The following SEL1L3 variants were observed in gnomAD, a reference collection of about 807,000 sequenced individuals.
The protein encoded by SEL1L3 is SEL1L family member 3.
SEL1L3 carries 76 observed loss-of-function variants against 142.8 expected under a neutral mutation model. The ratio of observed to expected loss-of-function variants is 0.53; its 90% CI spans 0.44 to 0.64. The LOEUF is 0.64. Ranked by LOEUF, SEL1L3 falls within the 30% of genes least tolerant of loss-of-function variation. The probability of loss-of-function intolerance (pLI) is 0.00; values close to 1 mark genes in which losing one functional copy is unlikely to be tolerated. For missense variants in SEL1L3, 1,262 were observed against 1,381.7 expected, an observed-to-expected ratio of 0.91 and a Z score of 1.37; for synonymous variants, 504 against 519.6, an observed-to-expected ratio of 0.97 and a Z score of 0.41.
At chr4:25,784,171 AGAGCGT>A in intron 14 of SEL1L3, 51 bp downstream of exon 14, 1 of 1,367,698 alleles carries the variant, frequency 7.3e-7, no homozygotes, top group South Asian at 1.2e-5. Context: ...TAGACGTGCG[AGAGCGT>A]GTGGGAGTGT....
chr4:25,811,474 T>G (rs1253642116), intron 9 of SEL1L3, among the ~76,000 whole-genome samples: 2 of 151,312 alleles, frequency 1.3e-5, no homozygotes, highest in Non-Finnish European at 2.9e-5. Flanking sequence ...CATAGAACTC[T>G]TAGCAGTCTG....
intron 5 of SEL1L3, among the ~76,000 whole-genome samples, chr4:25,830,551 T>C (rs1383646417): frequency 6.6e-6 from 1 of 152,166 alleles, no homozygotes; most frequent in African/African-American, 2.4e-5. Context: ...ACAAGATTGG[T>C]GTTGTATGTT....
In SEL1L3 at chr4:25,800,661, C is replaced by CT. The variant is rs148328853; in HGVS notation, c.1956+1621dup. Among the ~76,000 whole-genome samples the CT allele has an allele frequency of 4.0e-5, 6 of 151,844 alleles. No homozygotes were observed. The East Asian group carries it at 5.8e-4, about 15-fold the overall frequency. ...TTGTGCAAATTTTTTTAGAACAATTCTTTTTTTAAAAAAAACTTTACCAAT... is the reference window on the plus strand; with the variant it reads ...TTGTGCAAATTTTTTTAGAACAATTCTTTTTTTTAAAAAAAACTTTACCAAT... On this transcript the variant is annotated intron_variant, in intron 11 of 23. Transcript: ENST00000399878.
chr4:25,750,557 T>TACC (rs1454722159), intron 23 of SEL1L3, among the ~76,000 whole-genome samples: 3 of 152,232 alleles, frequency 2.0e-5, no homozygotes, highest in African/African-American at 7.2e-5. Flanking sequence ...CATGCCTACT[T>TACC]CATCTGGGCC....
intron 1 of SEL1L3, among the ~76,000 whole-genome samples, chr4:25,854,763 A>T (rs1028608444): frequency 3.3e-5 from 5 of 152,200 alleles, no homozygotes; most frequent in Non-Finnish European, 7.3e-5. Context: ...GAGAGTGTTG[A>T]CATTTTGCTA....
At chr4:25,846,996 G>A (rs1716557481) in intron 2 of SEL1L3, among the ~76,000 whole-genome samples, 1 of 151,526 alleles carries the variant, frequency 6.6e-6, no homozygotes, top group African/African-American at 2.4e-5. Flanking sequence ...CCTTGTTTCG[G>A]TGGCATGAAT....
intron 16 of SEL1L3, 117 bp from the exon 17 acceptor site, chr4:25,776,477 A>T: frequency 2.9e-6 from 2 of 700,132 alleles, no homozygotes; most frequent in Non-Finnish European, 4.9e-6. Context: ...TAGAATTTTT[A>T]TAGAGCAACA....
At chr4:25,759,206 T>G (rs2276953) in intron 20 of SEL1L3, 138 bp from the exon 21 acceptor site, 2 of 837,240 alleles carry the variant, frequency 2.4e-6, no homozygotes, top group East Asian at 2.5e-5. Flanking sequence ...GTCATCTTCA[T>G]TGATGAATTG....
chr4:25,744,929 G>A (rs1037866525), downstream of SEL1L3, among the ~76,000 whole-genome samples: 1 of 152,222 alleles, frequency 6.6e-6, no homozygotes, highest in Admixed American at 6.5e-5. Flanking sequence ...CTCCAAAAGT[G>A]TGAGAAAATA....
chr4:25,767,924 A>G (rs192337229), intron 17 of SEL1L3, 94 bp from the exon 18 acceptor site: 1 of 781,916 alleles, frequency 1.3e-6, no homozygotes, highest in Non-Finnish European at 2.0e-6. Flanking sequence ...GCACAAAATA[A>G]GCAGTTTTTT....
At chr4:25,841,558 C>A (rs1450804117) in intron 2 of SEL1L3, among the ~76,000 whole-genome samples, 1 of 152,234 alleles carries the variant, frequency 6.6e-6, no homozygotes, top group Non-Finnish European at 1.5e-5. Flanking sequence ...CAGGTTCAAA[C>A]TCCAGCATCT....
intron 2 of SEL1L3, among the ~76,000 whole-genome samples, chr4:25,843,846 G>A (rs1439467473): frequency 2.0e-5 from 3 of 152,278 alleles, no homozygotes; most frequent in Non-Finnish European, 2.9e-5. Context: ...GCCTGGCAAA[G>A]GAGATAAGCT....
Position 25,788,259 on chromosome 4 carries a change from C to T in SEL1L3, c.2182G>A (p.Ala728Thr). 1.2e-6 allele frequency: 2 copies of T among 1,613,942 alleles called. No individual in the cohort carries two copies. Among genetic ancestry groups the T allele is most frequent in the South Asian group, 2.2e-5 (2 of 91,082 alleles). Residue 728 changes from alanine (A) to threonine (T), a missense_variant, in exon 13 of 24, where the codon GCG becomes ACG. By Grantham distance (58) the Ala-to-Thr change is moderately conservative. Transcript: ENST00000399878. This position sits in a 1 kb window ranked among gnomAD's most constrained non-coding sequence, Gnocchi z 5.3. ...AKGALETEDP[A>T]LIYDYAIVLF... ...ACAATGGCATAGTCATAGATTAACG[C>T]AGGATCCTCCGTCTCCAGGGCGCCC...
At chr4:25,718,642 G>A in the SEL1L3 span, 3 of 152,082 alleles carry the variant, frequency 2.0e-5, no homozygotes, top group Non-Finnish European at 2.9e-5. Flanking sequence ...TTCCTCATAG[G>A]GACAAGATGA....
the SEL1L3 span, among the ~76,000 whole-genome samples, chr4:25,733,773 C>T: frequency 6.6e-6 from 1 of 152,054 alleles, no homozygotes; most frequent in Admixed American, 6.6e-5. Context: ...CTCCGGCCTC[C>T]CAAAGTTCTG....
In SEL1L3 at chr4:25,767,627, GAA is replaced by G; in HGVS notation, c.2761-20_2761-19del. 12 of 1,556,526 alleles carry G rather than the reference GAA, an allele frequency of 7.7e-6. No individual in the cohort carries two copies. The highest frequency in any genetic ancestry group is 1.4e-5 in the African/African-American group (1 of 73,714). On this transcript the variant is annotated intron_variant, in intron 18 of 23. Transcript: ENST00000399878. ...GCCAGGTCCTAAGGGGTAAAGGGAAGAAAAAGTTAATTCATTAATATTTCGGC... is the reference window on the plus strand; with the variant it reads ...GCCAGGTCCTAAGGGGTAAAGGGAAGAAAGTTAATTCATTAATATTTCGGC...
intron 2 of SEL1L3, among the ~76,000 whole-genome samples, chr4:25,841,180 A>G (rs1716144433): frequency 6.6e-6 from 1 of 152,100 alleles, no homozygotes; most frequent in Admixed American, 6.5e-5. Context: ...CCACAGATGC[A>G]TGCCACCATG....
chr4:25,843,569 T>A (rs1716308461), intron 2 of SEL1L3, among the ~76,000 whole-genome samples: 1 of 152,180 alleles, frequency 6.6e-6, no homozygotes. Context: ...CACATGTGAT[T>A]TGGGAGGGAC....
intron 9 of SEL1L3, among the ~76,000 whole-genome samples, chr4:25,809,918 T>C (rs537412304): frequency 5.9e-5 from 9 of 152,350 alleles, no homozygotes; most frequent in South Asian, 2.1e-4. Context: ...AACATCGCAA[T>C]TGTTGGCAAA....
Sources: allele counts gnomAD v4.1 joint callset (sites outside exome capture counted in the v4.1 genomes callset), GRCh38; gene constraint gnomAD v4.1.1; non-coding constraint Gnocchi (gnomAD v3.1); transcripts MANE v1.5; gene names NCBI Gene and HGNC (gene_info 2026-07-23, HGNC 2026-07-21).